Variants in PRKCE observed in about 807,000 individuals in gnomAD.
PRKCE encodes the protein protein kinase C epsilon.
Under a neutral mutation model 85.4 loss-of-function variants are expected in PRKCE, and 16 were observed. The observed-to-expected ratio is 0.19, with a 90% confidence interval of 0.13 to 0.28. The LOEUF (loss-of-function observed/expected upper bound fraction) is 0.28, where lower values mean the gene tolerates loss of function less well. Ranked by LOEUF, PRKCE falls within the 10% of genes least tolerant of loss-of-function variation. The pLI, the probability that PRKCE is intolerant of heterozygous loss-of-function variation, is 1.00. For synonymous variants in PRKCE, 388 were observed against 371.5 expected (o/e 1.04, Z -0.51); for missense variants, 573 against 975.2 (o/e 0.59, Z 5.49).
chr2:45,818,330 C>G (rs1558707698), intron 1 of PRKCE, among the ~76,000 whole-genome samples: 1 of 152,184 alleles, frequency 6.6e-6, no homozygotes, highest in African/African-American at 2.4e-5. Flanking sequence ...GATGGATGAA[C>G]TGGCTGCCCC....
chr2:46,006,660 G>A (rs1186077923), intron 8 of PRKCE, among the ~76,000 whole-genome samples: 2 of 152,198 alleles, frequency 1.3e-5, no homozygotes, highest in Non-Finnish European at 2.9e-5. Context: ...TGCGTGTCTT[G>A]ATGAATGAGT....
At chr2:45,745,721 C>T (rs1489269967) in intron 1 of PRKCE, among the ~76,000 whole-genome samples, 1 of 152,122 alleles carries the variant, frequency 6.6e-6, no homozygotes, top group South Asian at 2.1e-4. Context: ...GGGAGACCAC[C>T]GATAGGGATA....
In PRKCE at chr2:46,155,857, C is replaced by T. The variant is rs886586358; in HGVS notation, c.1921-3749C>T. On this transcript the variant is annotated intron_variant, in intron 13 of 14. Transcript: ENST00000306156. This position sits in a 1 kb window ranked among gnomAD's most constrained non-coding sequence, Gnocchi z 4.7. ...CTCCCTTGGTGAACTGCAGGACCTC[C>T]TAACGGGCAGCCCTTCTTGTGTCCT... Among the ~76,000 whole-genome samples, 1 of 152,184 alleles carries T rather than the reference C, an allele frequency of 6.6e-6. No individual in the cohort carries two copies. Among genetic ancestry groups the T allele is most frequent in the Non-Finnish European group, 1.5e-5 (1 of 68,024 alleles).
intron 6 of PRKCE, among the ~76,000 whole-genome samples, chr2:45,997,313 T>C (rs1704300672): frequency 2.0e-5 from 3 of 152,094 alleles, no homozygotes; most frequent in Admixed American, 6.5e-5. Flanking sequence ...TTAATTCAAA[T>C]GATTTTTGCT....
intron 11 of PRKCE, among the ~76,000 whole-genome samples, chr2:46,100,876 C>T (rs13023217): frequency 0.39 from 59,013 of 151,756 alleles, 13,535 homozygotes; most frequent in East Asian, 0.56. Flanking sequence ...CTTCTCTTCT[C>T]TTCTCTTTTC....
intron 2 of PRKCE, among the ~76,000 whole-genome samples, chr2:45,872,310 A>G (rs1413004720): frequency 6.6e-6 from 1 of 152,216 alleles, no homozygotes; most frequent in Non-Finnish European, 1.5e-5. Flanking sequence ...GCAAAGAAGT[A>G]GCCTGACTGG....
chr2:45,740,491 C>G (rs979623337), intron 1 of PRKCE, among the ~76,000 whole-genome samples: 1 of 152,178 alleles, frequency 6.6e-6, no homozygotes, highest in Non-Finnish European at 1.5e-5. Flanking sequence ...CCTCACTCCT[C>G]TCCCTCCCCA....
chr2:45,927,064 A>C (rs972562058), intron 2 of PRKCE, among the ~76,000 whole-genome samples: 3 of 151,766 alleles, frequency 2.0e-5, no homozygotes, highest in African/African-American at 7.3e-5. Context: ...GAATTATAGA[A>C]TGTGCATATG....
At chr2:46,012,567 C>A (rs184699240) in intron 10 of PRKCE, among the ~76,000 whole-genome samples, 3 of 152,176 alleles carry the variant, frequency 2.0e-5, no homozygotes, top group Non-Finnish European at 4.4e-5. Flanking sequence ...CTCTCACTAT[C>A]TGAGGTGGCT....
chr2:46,182,413 G>A (rs1011469941), intron 14 of PRKCE, among the ~76,000 whole-genome samples: 3 of 152,062 alleles, frequency 2.0e-5, no homozygotes, highest in African/African-American at 7.3e-5. Context: ...GTACACACTG[G>A]AGAGGGAGAA....
At chr2:46,090,776 G>T (rs1167700865) in intron 11 of PRKCE, among the ~76,000 whole-genome samples, 2 of 144,406 alleles carry the variant, frequency 1.4e-5, no homozygotes, top group African/African-American at 2.6e-5. Flanking sequence ...GTCTATATGA[G>T]GTTGATGGAG....
intron 1 of PRKCE, among the ~76,000 whole-genome samples, chr2:45,678,703 TC>T (rs1442858785): frequency 2.6e-5 from 4 of 151,764 alleles, no homozygotes; most frequent in East Asian, 3.9e-4. Context: ...TTTTTTTTTT[TC>T]ATTTCTCTGA....
intron 8 of PRKCE, among the ~76,000 whole-genome samples, chr2:46,005,335 C>T (rs1705089886): frequency 6.6e-6 from 1 of 152,174 alleles, no homozygotes; most frequent in African/African-American, 2.4e-5. Context: ...TGCAAAACCT[C>T]CTGCTCTCGT....
chr2:46,043,774 G>A (rs1280940242), intron 10 of PRKCE, among the ~76,000 whole-genome samples: 1 of 152,210 alleles, frequency 6.6e-6, no homozygotes, highest in Non-Finnish European at 1.5e-5. Flanking sequence ...GAATCAGAAA[G>A]GAGTTTCTCT....
At chr2:45,785,733 G>C (rs1326385628) in intron 1 of PRKCE, among the ~76,000 whole-genome samples, 2 of 152,110 alleles carry the variant, frequency 1.3e-5, no homozygotes, top group Non-Finnish European at 2.9e-5. Flanking sequence ...ACTACCCTCA[G>C]AGCCAGTGGC....
chr2:45,831,275 G>T (rs370805907), intron 1 of PRKCE, among the ~76,000 whole-genome samples: 2 of 152,324 alleles, frequency 1.3e-5, no homozygotes, highest in South Asian at 4.1e-4. Context: ...AAGGAAAGAC[G>T]ATTAGTTTTC....
intron 2 of PRKCE, among the ~76,000 whole-genome samples, chr2:45,943,601 CT>C (rs1220483422): frequency 2.0e-5 from 3 of 151,576 alleles, no homozygotes; most frequent in African/African-American, 4.9e-5. Flanking sequence ...TTTCCAGAGC[CT>C]TTTTTTTTCT....
At chr2:45,904,509 C>G (rs972216666) in intron 2 of PRKCE, among the ~76,000 whole-genome samples, 6 of 152,104 alleles carry the variant, frequency 3.9e-5, no homozygotes, top group African/African-American at 1.4e-4. Context: ...TCTGTGCTGG[C>G]TCTGGATGAG....
chr2:45,816,903 G>A (rs565910294), intron 1 of PRKCE, among the ~76,000 whole-genome samples: 63 of 152,158 alleles, frequency 4.1e-4, no homozygotes, highest in Non-Finnish European at 6.9e-4. Flanking sequence ...CCCCCTGCTC[G>A]GGGGTTTTGT....
Sources: allele counts gnomAD v4.1 joint callset (sites outside exome capture counted in the v4.1 genomes callset), GRCh38; gene constraint gnomAD v4.1.1; non-coding constraint Gnocchi (gnomAD v3.1); transcripts MANE v1.5; gene names NCBI Gene and HGNC (gene_info 2026-07-23, HGNC 2026-07-21).